POLA2: variants seen among roughly 807,000 people sequenced by gnomAD.
POLA2 encodes DNA polymerase alpha 2, accessory subunit.
A neutral mutation model predicts 82.8 loss-of-function variants in POLA2; 47 were observed. The observed-to-expected ratio is 0.57, with a 90% confidence interval of 0.45 to 0.72. POLA2 has a LOEUF of 0.72. POLA2 is among the 30% of genes least tolerant of loss of function. The pLI is 0.00. For synonymous variants in POLA2, 287 were observed against 286.8 expected, an observed-to-expected ratio of 1.00 and a Z score of -0.01; for missense variants, 634 against 728.1, an observed-to-expected ratio of 0.87 and a Z score of 1.49.
chr11:65,274,629 G>A (rs1949557638), intron 4 of POLA2, among the ~76,000 whole-genome samples: 1 of 150,964 alleles, frequency 6.6e-6, no homozygotes. Flanking sequence ...GTAGTGAGCC[G>A]AGATCTTGCC....
chr11:65,265,772 C>A (rs149231639), intron 1 of POLA2, among the ~76,000 whole-genome samples: 1 of 152,214 alleles, frequency 6.6e-6, no homozygotes, highest in Non-Finnish European at 1.5e-5. Context: ...CCACTGCATC[C>A]GGCTTACTCC....
At chr11:65,292,330 C>T (rs2137581639) in intron 13 of POLA2, among the ~76,000 whole-genome samples, 1 of 152,362 alleles carries the variant, frequency 6.6e-6, no homozygotes, top group East Asian at 1.9e-4. Flanking sequence ...GGAGGACCCT[C>T]CCGCTGTGAC....
chr11:65,266,879 G>A (rs1949466911), intron 2 of POLA2, among the ~76,000 whole-genome samples, 173 bp downstream of exon 2: 1 of 152,156 alleles, frequency 6.6e-6, no homozygotes, highest in African/African-American at 2.4e-5. Flanking sequence ...TTCTGACATT[G>A]GGTCTAATAA....
intron 10 of POLA2, 86 bp from the exon 11 acceptor site, chr11:65,287,630 T>C: frequency 8.0e-7 from 1 of 1,244,270 alleles, no homozygotes. Flanking sequence ...AGTTAAATCC[T>C]GTGGCATTTC....
rs560654180 is a variant in POLA2, at chr11:65,291,284, C to T, written c.1244+1412C>T. On this transcript the variant is annotated intron_variant, in intron 13 of 17. Coordinates refer to ENST00000265465, the MANE Select transcript of POLA2 (RefSeq NM_002689.4). ...TTTTAAAATAAGATGTCTAACCTTCCGCCTTTTAGCCATGAGAACTGATCC... is the reference window on the plus strand; with the variant it reads ...TTTTAAAATAAGATGTCTAACCTTCTGCCTTTTAGCCATGAGAACTGATCC... Among the ~76,000 whole-genome samples the T allele has an allele frequency of 2.6e-5, 4 of 152,292 alleles. No individual in the cohort carries two copies. The East Asian group carries it at 5.8e-4, about 22-fold the overall frequency.
In POLA2 at chr11:65,281,006, G is replaced by T. The variant is rs201349244; in HGVS notation, c.759G>T (p.Leu253=). 1 of 1,613,842 alleles carries T rather than the reference G, an allele frequency of 6.2e-7. No homozygotes were observed. The highest frequency in any genetic ancestry group is 1.3e-5 in the African/African-American group (1 of 75,038). Residue 253 remains leucine (L), a synonymous_variant, in exon 8 of 18, where the codon CTG becomes CTT. Coordinates refer to ENST00000265465, the MANE Select transcript of POLA2 (RefSeq NM_002689.4). ...LLAPAQEPVT[L]LGQIGCDSNG... is the part of the protein sequence containing the mutation. ...TCCTTTGGTAGGAGCCTGTCACTCT[G>T]CTGGGCCAGATTGGCTGTGATAGCA...
chr11:65,287,567 T>G, intron 10 of POLA2, 149 bp from the exon 11 acceptor site: 66 of 586,226 alleles, frequency 1.1e-4, no homozygotes, highest in Middle Eastern at 9.3e-4. Context: ...AGGGTGGACA[T>G]GAGGTCTTCC....
At chr11:65,301,267 G>GCT (rs978001774), downstream of POLA2, among the ~76,000 whole-genome samples, 7 of 152,194 alleles carry the variant, frequency 4.6e-5, no homozygotes, top group Admixed American at 4.6e-4. Context: ...GTGAAGTCTT[G>GCT]CTAAGGCATT....
chr11:65,303,015 T>C (rs1949866871), downstream of POLA2, among the ~76,000 whole-genome samples: 1 of 152,138 alleles, frequency 6.6e-6, no homozygotes, highest in South Asian at 2.1e-4. Context: ...CCAGCTGTGT[T>C]TGAAATTTTT....
chr11:65,297,064 T>C (rs1949818046), intron 17 of POLA2, 56 bp from the exon 18 acceptor site: 2 of 1,595,678 alleles, frequency 1.3e-6, no homozygotes, highest in Admixed American at 1.7e-5. Context: ...CTTTTTCACA[T>C]TGGTTCCCAG....
At chr11:65,285,574 C>CAAA (rs573912827) in intron 10 of POLA2, among the ~76,000 whole-genome samples, 1 of 63,004 alleles carries the variant, frequency 1.6e-5, no homozygotes, top group Non-Finnish European at 3.2e-5. Context: ...GATCCTATCT[C>CAAA]AAAAAAAAAA....
chr11:65,294,377 A>C, intron 14 of POLA2, 116 bp downstream of exon 14: 1 of 994,578 alleles, frequency 1.0e-6, no homozygotes, highest in Non-Finnish European at 1.6e-6. Context: ...GTACAGCCTG[A>C]ATCTTAAACT....
chr11:65,305,606 C>T (rs1256663385), downstream of POLA2: 2 of 355,038 alleles, frequency 5.6e-6, no homozygotes. Flanking sequence ...CCCAGGAGGT[C>T]GAGGCTGCAG....
rs1426761632 is a variant in POLA2 at position 65,298,221 on chromosome 11, T to C, written c.*952T>C. The C allele has an allele frequency of 1.3e-5, 2 of 152,364 alleles. No homozygotes were observed. The highest frequency in any genetic ancestry group is 2.9e-5 in the Non-Finnish European group (2 of 68,140). 9.4% of individuals were successfully genotyped at this position (152,364 alleles called of 1,614,324 possible). On this transcript the variant is annotated 3_prime_UTR_variant, in exon 18 of 18. Transcript: ENST00000265465. ...TGCGCAGTTCCTCACATGCATGCTG[T>C]GGTCCCAGCCTGACCTCTCCATCTG... is the stretch of plus-strand genomic sequence containing the variant.
At position 65,281,708 on chromosome 11, in the gene POLA2, A is replaced by T. The variant is rs1184126869; in HGVS notation, c.939A>T (p.Lys313Asn). ...IMEGINTTGRKLVATKLYEGV... is the reference protein window; with the variant it reads ...IMEGINTTGRNLVATKLYEGV... ...AAGGAATCAACACCACTGGTAGGAA[A>T]CTTGTTGCCACCAAACTCTACGAGG... is the stretch of plus-strand genomic sequence containing the variant. Residue 313 changes from lysine to asparagine, a missense_variant, in exon 9 of 18, where the codon AAA (lysine) becomes AAT (asparagine). By Grantham distance (94) the Lys-to-Asn change is moderately conservative (BLOSUM62 0). Coordinates refer to ENST00000265465, the MANE Select transcript of POLA2 (RefSeq NM_002689.4). The T allele has an allele frequency of 6.2e-7, 1 of 1,614,012 alleles. No homozygotes were observed. Among genetic ancestry groups the T allele is most frequent in the Admixed American group, 1.7e-5 (1 of 60,026 alleles).
chr11:65,268,433 G>C (rs900185554), intron 3 of POLA2, among the ~76,000 whole-genome samples: 3 of 150,958 alleles, frequency 2.0e-5, no homozygotes, highest in Non-Finnish European at 3.0e-5. Flanking sequence ...CTCACTGCAA[G>C]CTCCGTCTCC....
At position 65,297,498 on chromosome 11, in the gene POLA2, G is replaced by T; in HGVS notation, c.*229G>T. ...GCTCTTGCTTCTCAGTCCATGCTCC[G>T]TGTCCAGAAGTAAGCCAGCTGTGGA... On this transcript the variant is annotated 3_prime_UTR_variant, in exon 18 of 18. Transcript: ENST00000265465. 2.5e-6 allele frequency: 1 copy of T among 395,568 alleles called. No homozygotes were observed. 24.5% of individuals were successfully genotyped at this position (395,568 alleles called of 1,614,324 possible).
chr11:65,275,401 A>T (rs73484950), intron 4 of POLA2, among the ~76,000 whole-genome samples: 9 of 150,620 alleles, frequency 6.0e-5, no homozygotes, highest in African/African-American at 2.0e-4. Flanking sequence ...TGACCATCAG[A>T]TGTTTGCTAA....
intron 1 of POLA2, among the ~76,000 whole-genome samples, chr11:65,263,211 T>C (rs2137478352): frequency 6.8e-6 from 1 of 147,480 alleles, no homozygotes; most frequent in Admixed American, 6.8e-5. Flanking sequence ...CAGTGCCTTC[T>C]CTCTCTCTCT....
Sources: gnomAD v4.1 joint callset for allele counts (sites outside exome capture counted in the v4.1 genomes callset) on GRCh38, gnomAD v4.1.1 for gene constraint, MANE v1.5 for transcripts, NCBI Gene and HGNC (gene_info 2026-07-23, HGNC 2026-07-21) for gene names.